SLC37A2: variants seen among roughly 807,000 people sequenced by gnomAD.
The protein encoded by SLC37A2 is solute carrier family 37 member 2.
In SLC37A2, 59 loss-of-function variants were observed where a neutral mutation model predicts 70.7. The ratio of observed to expected loss-of-function variants is 0.83; its 90% CI spans 0.68 to 1.04. SLC37A2 has a LOEUF of 1.04. SLC37A2 is among the 50% of genes least tolerant of loss of function. The pLI is 0.00. For synonymous variants in SLC37A2, 257 were observed against 262.1 expected, an observed-to-expected ratio of 0.98 and a Z score of 0.19; for missense variants, 580 against 658.1, an observed-to-expected ratio of 0.88 and a Z score of 1.30.
At chr11:125,087,633 CTTT>C (rs201240101) in intron 17 of SLC37A2, 13 of 140,862 alleles carry the variant, frequency 9.2e-5, no homozygotes, top group Admixed American at 2.1e-4. Flanking sequence ...TATTTAATTT[CTTT>C]TTTTTTTTTT....
Position 125,090,514 on chromosome 11 carries a change from T to C in SLC37A2, c.*2380T>C, listed in dbSNP as rs1264441081. ...TCTTTGCAATAAATCTTGCTACTGC[T>C]CACTCTTTGAGTCCACGCTGCTTTT... is the stretch of plus-strand genomic sequence containing the variant. On this transcript the variant is annotated 3_prime_UTR_variant, in exon 18 of 18. Coordinates refer to ENST00000403796, the MANE Select transcript of SLC37A2 (RefSeq NM_001145290.2). Among the ~76,000 whole-genome samples the C allele has an allele frequency of 6.6e-6, 1 of 152,182 alleles. No individual in the cohort carries two copies. Among genetic ancestry groups the C allele is most frequent in the Non-Finnish European group, 1.5e-5 (1 of 68,042 alleles).
At chr11:125,074,957 G>A (rs1325692796) in intron 1 of SLC37A2, among the ~76,000 whole-genome samples, 2 of 152,210 alleles carry the variant, frequency 1.3e-5, no homozygotes, top group East Asian at 3.9e-4. Context: ...GGGCCTTACC[G>A]GCAGTATAAC....
Position 125,081,290 on chromosome 11 carries a change from C to T in SLC37A2, c.695-131C>T, listed in dbSNP as rs1033710491. 9 of 873,250 alleles carry T rather than the reference C, an allele frequency of 1.0e-5. No individual in the cohort carries two copies. In the African/African-American group the frequency reaches 1.5e-4, roughly 15 times the overall value. 54.1% of individuals were successfully genotyped at this position (873,250 alleles called of 1,614,324 possible). A position where few individuals can be genotyped will look rare whatever the true frequency, so the allele number is the denominator to read the frequency against. On this transcript the variant is annotated intron_variant, in intron 7 of 17. Transcript: ENST00000403796. ...CTCCTGCTGGGACACACACTGGCCACCTTAGGAGCTGGAGGCGGGGCTGGT... is the reference window on the plus strand; with the variant it reads ...CTCCTGCTGGGACACACACTGGCCATCTTAGGAGCTGGAGGCGGGGCTGGT...
chr11:125,086,281 T>A, intron 17 of SLC37A2: 1 of 1,572,894 alleles, frequency 6.4e-7, no homozygotes, highest in Non-Finnish European at 8.8e-7. Flanking sequence ...ACTTCGAGTC[T>A]GTGACTCGAG....
rs1948954220 is a variant in SLC37A2, at chr11:125,063,733, CG to C, written c.59+311del. Among the ~76,000 whole-genome samples the C allele has an allele frequency of 6.6e-6, 1 of 152,224 alleles. No homozygotes were observed. Among genetic ancestry groups the C allele is most frequent in the South Asian group, 2.1e-4 (1 of 4,834 alleles). ...CCATCCTCCCCTCCTAACACACATC[CG>C]GGGCGCCTTCAGAGCGCCTTTCTGT... On this transcript the variant is annotated intron_variant, in intron 1 of 17. Transcript: ENST00000403796. This position sits in a 1 kb window ranked among gnomAD's most constrained non-coding sequence, Gnocchi z 5.4.
rs974917155 is a variant in SLC37A2 at position 125,085,854 on chromosome 11, C to G, written c.1426-100C>G. ...CTTGCCAAGTGGCAGCGTGTCTCTC[C>G]CCCTTCTCCACTGCCAGTCCACGGG... is the stretch of plus-strand genomic sequence containing the variant. On this transcript the variant is annotated intron_variant, in intron 16 of 17. Coordinates refer to ENST00000403796, the MANE Select transcript of SLC37A2 (RefSeq NM_001145290.2). 8 of 1,298,116 alleles carry G rather than the reference C, an allele frequency of 6.2e-6. No homozygotes were observed. In the African/African-American group the frequency reaches 1.2e-4, roughly 19 times the overall value. 80.4% of individuals were successfully genotyped at this position (1,298,116 alleles called of 1,614,324 possible). A position where few individuals can be genotyped will look rare whatever the true frequency, so the allele number is the denominator to read the frequency against.
chr11:125,065,329 A>G (rs1404289675), intron 1 of SLC37A2, among the ~76,000 whole-genome samples: 3 of 152,216 alleles, frequency 2.0e-5, no homozygotes, highest in Non-Finnish European at 4.4e-5. Flanking sequence ...CAAGTGTGTT[A>G]GTTTACCATA....
chr11:125,084,420 G>A lies in SLC37A2; in HGVS notation c.1125+101G>A, dbSNP rs7926924. ...TCCACGCGTTACACACATTGATGTC[G>A]CTGTGTACGCGTGCACATGCATCAT... On this transcript the variant is annotated intron_variant, in intron 12 of 17. Coordinates refer to ENST00000403796, the MANE Select transcript of SLC37A2 (RefSeq NM_001145290.2). 3,247 of 1,193,044 alleles carry A rather than the reference G, an allele frequency of 2.7e-3. 54 individuals carry two copies. In the African/African-American group the frequency reaches 0.038, roughly 14 times the overall value. 73.9% of individuals were successfully genotyped at this position (1,193,044 alleles called of 1,614,324 possible).
At chr11:125,086,548 G>A (rs1032709799) in intron 17 of SLC37A2, 5 of 418,842 alleles carry the variant, frequency 1.2e-5, no homozygotes, top group East Asian at 1.0e-4. Context: ...TCTGAGCTGC[G>A]ACTGAGCTGC....
At chr11:125,066,819 A>G (rs1271056166) in intron 1 of SLC37A2, among the ~76,000 whole-genome samples, 1 of 152,178 alleles carries the variant, frequency 6.6e-6, no homozygotes, top group Admixed American at 6.5e-5. Flanking sequence ...TCAACTAAAG[A>G]TATTCAGTAA....
intron 1 of SLC37A2, among the ~76,000 whole-genome samples, chr11:125,076,297 C>A (rs1358577027): frequency 6.6e-6 from 1 of 152,122 alleles, no homozygotes; most frequent in African/African-American, 2.4e-5. Flanking sequence ...CTGTTCGAAG[C>A]TTCAGAGGAG....
At chr11:125,082,457 C>G in intron 10 of SLC37A2, 123 bp downstream of exon 10, 2 of 846,648 alleles carry the variant, frequency 2.4e-6, no homozygotes, top group Admixed American at 1.9e-5. Flanking sequence ...CCTGCTGAAC[C>G]TCTCCTAGAG....
At chr11:125,084,424 T>C in intron 12 of SLC37A2, 105 bp downstream of exon 12, 1 of 1,164,078 alleles carries the variant, frequency 8.6e-7, no homozygotes, top group Non-Finnish European at 1.3e-6. Flanking sequence ...GATGTCGCTG[T>C]GTACGCGTGC....
intron 16 of SLC37A2, 53 bp downstream of exon 16, chr11:125,085,727 G>C (rs1312272552): frequency 6.3e-7 from 1 of 1,580,508 alleles, no homozygotes; most frequent in African/African-American, 1.3e-5. Context: ...TGTCCTGCCA[G>C]ACTGGAACCC....
In SLC37A2 at chr11:125,080,488, C is replaced by G; in HGVS notation, c.528-126C>G. The G allele has an allele frequency of 1.2e-6, 1 of 868,288 alleles. No individual in the cohort carries two copies. Among genetic ancestry groups the G allele is most frequent in the East Asian group, 3.1e-5 (1 of 31,902 alleles). 53.8% of individuals were successfully genotyped at this position (868,288 alleles called of 1,614,324 possible). A position where few individuals can be genotyped will look rare whatever the true frequency, so the allele number is the denominator to read the frequency against. On this transcript the variant is annotated intron_variant, in intron 6 of 17. Transcript: ENST00000403796. This position sits in a 1 kb window ranked among gnomAD's most constrained non-coding sequence, Gnocchi z 4.3. Reference sequence around the variant, plus strand: ...TCCTTGCTGACTTGGGGCTTTGGGGCTGTCTTTGGTGCCTCGGGGAAGCTG... The same window carrying G: ...TCCTTGCTGACTTGGGGCTTTGGGGGTGTCTTTGGTGCCTCGGGGAAGCTG...
intron 1 of SLC37A2, among the ~76,000 whole-genome samples, chr11:125,066,378 A>G (rs924432467): frequency 6.6e-6 from 1 of 152,132 alleles, no homozygotes; most frequent in African/African-American, 2.4e-5. Flanking sequence ...AAGCCAGTGC[A>G]CTCCAGTCTG....
intron 8 of SLC37A2, 136 bp from the exon 9 acceptor site, chr11:125,081,617 TG>T: frequency 7.2e-7 from 1 of 1,388,458 alleles, no homozygotes; most frequent in Non-Finnish European, 9.7e-7. Flanking sequence ...CTGATGAGTC[TG>T]GCAGGTCAGT....
intron 1 of SLC37A2, among the ~76,000 whole-genome samples, chr11:125,066,074 G>T (rs1024059438): frequency 6.6e-6 from 1 of 152,196 alleles, no homozygotes; most frequent in Non-Finnish European, 1.5e-5. Context: ...TGAATCTTGG[G>T]TTAGCAATCT....
Position 125,083,879 on chromosome 11 carries a change from T to A in SLC37A2, c.1039+2T>A. On this transcript the variant is annotated splice_donor_variant, in intron 11 of 17. Transcript: ENST00000403796. LOFTEE classifies it high-confidence loss of function. This position sits in a 1 kb window ranked among gnomAD's most constrained non-coding sequence, Gnocchi z 4.6. ...TCTTCGATGTTGGTGGCATCATAGG[T>A]GAGGCCTTGCCCTGCTCTGCCAGCA... 1 of 1,614,030 alleles carries A rather than the reference T, an allele frequency of 6.2e-7. No individual in the cohort carries two copies. The highest frequency in any genetic ancestry group is 8.5e-7 in the Non-Finnish European group (1 of 1,179,926).
Sources: gnomAD v4.1 joint callset for allele counts (sites outside exome capture counted in the v4.1 genomes callset) on GRCh38, gnomAD v4.1.1 for gene constraint, Gnocchi (gnomAD v3.1) non-coding constraint, MANE v1.5 for transcripts, NCBI Gene and HGNC (gene_info 2026-07-23, HGNC 2026-07-21) for gene names.